Variants in OTOG observed in about 807,000 individuals in gnomAD.
OTOG encodes otogelin.
OTOG carries 296 observed loss-of-function variants against 313.8 expected under a neutral mutation model. That is an observed-to-expected ratio of 0.94 (90% CI 0.86 to 1.04). The LOEUF is 1.04. Ranked by LOEUF, OTOG falls within the 50% of genes least tolerant of loss-of-function variation. The probability of loss-of-function intolerance (pLI) is 0.00; values close to 1 mark genes in which losing one functional copy is unlikely to be tolerated. For missense variants in OTOG, 3,948 were observed against 3,840.1 expected, an observed-to-expected ratio of 1.03 and a Z score of -0.74; for synonymous variants, 1,533 against 1,554.9, an observed-to-expected ratio of 0.99 and a Z score of 0.33.
chr11:17,624,336 G>T (rs117958835), intron 39 of OTOG, among the ~76,000 whole-genome samples: 1 of 152,144 alleles, frequency 6.6e-6, no homozygotes, highest in South Asian at 2.1e-4. Context: ...TGTATATGGC[G>T]TAAGGAAGGG....
intron 23 of OTOG, among the ~76,000 whole-genome samples, chr11:17,582,983 T>C (rs1201307655): frequency 6.6e-6 from 1 of 152,000 alleles, no homozygotes; most frequent in Non-Finnish European, 1.5e-5. Flanking sequence ...TAATGTCTAA[T>C]TTTTTTCTTT....
In OTOG at chr11:17,627,214, T is replaced by C. The variant is rs997650385; in HGVS notation, c.6529-1919T>C. Among the ~76,000 whole-genome samples, 9 of 152,202 alleles carry C rather than the reference T, an allele frequency of 5.9e-5. No homozygotes were observed. In the South Asian group the frequency reaches 8.3e-4, roughly 14 times the overall value. ...ATGTTCCATATCTTAGAGGAAAGGC[T>C]TTTCATTTTCCCCCATTCAATATGA... On this transcript the variant is annotated intron_variant, in intron 39 of 55. Coordinates refer to ENST00000399397, the MANE Select transcript of OTOG (RefSeq NM_001292063.2).
rs955648338 is a variant in OTOG, at chr11:17,633,799, G to A, written c.7192G>A (p.Glu2398Lys). The A allele has an allele frequency of 3.9e-6, 6 of 1,550,390 alleles. No homozygotes were observed. The highest frequency in any genetic ancestry group is 2.0e-5 in the Admixed American group (1 of 51,000). ...LDPEHCQVLG[E>K]GCVCSEGTIL... ...CCCAGAGCACTGCCAGGTGCTGGGC[G>A]AGGGCTGCGTCTGCTCCGAGGGCAC... The change falls in exon 43 of 56, where the codon GAG becomes AAG. Residue 2398 changes from glutamate to lysine, a missense_variant. Physicochemically the swap from Glu to Lys is moderately conservative, Grantham distance 56 (BLOSUM62 1). Transcript: ENST00000399397.
At position 17,635,089 on chromosome 11, in the gene OTOG, C is replaced by G. The variant is rs1253625039; in HGVS notation, c.7595C>G (p.Pro2532Arg). 6.5e-7 allele frequency: 1 copy of G among 1,548,760 alleles called. No individual in the cohort carries two copies. The highest frequency in any genetic ancestry group is 1.4e-5 in the African/African-American group (1 of 72,972). Residue 2532 changes from proline to arginine, a missense_variant, in exon 46 of 56, where the codon CCA (proline) becomes CGA (arginine). Pro to Arg is a moderately radical substitution (Grantham distance 103, BLOSUM62 -2). Coordinates refer to ENST00000399397, the MANE Select transcript of OTOG (RefSeq NM_001292063.2). Reference sequence around the variant, plus strand: ...TCAGCCTTTTCCCCAGAGTGTGACCCAGATCTCTGTGAGGCAGAGCTGGTC... The same window carrying G: ...TCAGCCTTTTCCCCAGAGTGTGACCGAGATCTCTGTGAGGCAGAGCTGGTC... ...CCPSYSCECD[P>R]DLCEAELVPS...
intron 39 of OTOG, among the ~76,000 whole-genome samples, chr11:17,616,124 A>G (rs896855059): frequency 6.6e-6 from 1 of 151,912 alleles, no homozygotes; most frequent in Non-Finnish European, 1.5e-5. Context: ...TGGTGGTGCA[A>G]TGATAGCTTA....
rs75518739 is a variant in OTOG, at chr11:17,559,730, G to A, written c.1342+68G>A. On this transcript the variant is annotated intron_variant, in intron 12 of 55. Transcript: ENST00000399397. ...GCCTGGCACAGATGGCCACGAAACA[G>A]GAGTTCAGAAGATACCTGTTTGTGG... is the stretch of plus-strand genomic sequence containing the variant. The A allele has an allele frequency of 0.013, 19,762 of 1,496,782 alleles. 1,124 individuals carry two copies. The African/African-American group carries it at 0.14, about 10-fold the overall frequency. The allele number at this position is 1,496,782 out of a possible 1,614,324, so 92.7% of individuals were successfully genotyped here. A position where few individuals can be genotyped will look rare whatever the true frequency, so the allele number is the denominator to read the frequency against.
chr11:17,606,131 T>G lies in OTOG; in HGVS notation c.4152T>G (p.Leu1384=), dbSNP rs1176960419. Residue 1384 remains leucine, a synonymous_variant, in exon 33 of 56, where the codon CTT becomes CTG. Transcript: ENST00000399397. ...TCCGCCGGGGCACACTCTTCCGCCT[T>G]CTGGGTAGGCGACCCCCTGCCATTG... ...EVFRRGTLFR[L]LDAKPSGAAY... is the part of the protein sequence containing the mutation. 2.6e-6 allele frequency: 4 copies of G among 1,530,602 alleles called. No individual in the cohort carries two copies. The highest frequency in any genetic ancestry group is 3.5e-6 in the Non-Finnish European group (4 of 1,134,714). 94.8% of individuals were successfully genotyped at this position (1,530,602 alleles called of 1,614,324 possible). A position where few individuals can be genotyped will look rare whatever the true frequency, so the allele number is the denominator to read the frequency against.
chr11:17,645,202 GAGAGGGGTA>G (rs1848048605), intron 54 of OTOG, among the ~76,000 whole-genome samples: 1 of 152,228 alleles, frequency 6.6e-6, no homozygotes, highest in African/African-American at 2.4e-5. Context: ...CTGAAGCTCA[GAGAGGGGTA>G]AGGGTAAAGT....
chr11:17,568,729 T>C (rs933650324), intron 15 of OTOG, among the ~76,000 whole-genome samples: 7 of 152,210 alleles, frequency 4.6e-5, no homozygotes, highest in African/African-American at 1.7e-4. Context: ...TATTACCTCA[T>C]TTCCTGCCTG....
At position 17,557,328 on chromosome 11, in the gene OTOG, G is replaced by C; in HGVS notation, c.865+5G>C. ...ATGATCTGGTGACCAGCTCTGGTGA[G>C]GGTCAGACAGGTGGCCTCTGAGGGG... On this transcript the variant is annotated splice_donor_5th_base_variant and intron_variant, in intron 8 of 55. Coordinates refer to ENST00000399397, the MANE Select transcript of OTOG (RefSeq NM_001292063.2). The C allele has an allele frequency of 1.3e-6, 2 of 1,550,430 alleles. No homozygotes were observed. The highest frequency in any genetic ancestry group is 1.7e-4 in the Middle Eastern group (1 of 5,992).
chr11:17,641,722 G>A (rs1283687446), intron 51 of OTOG, 125 bp from the exon 52 acceptor site: 10 of 641,730 alleles, frequency 1.6e-5, no homozygotes, highest in East Asian at 5.6e-5. Context: ...GGCTGGGAGC[G>A]CCTCTTCTCG....
At position 17,569,207 on chromosome 11, in the gene OTOG, C is replaced by T; in HGVS notation, c.1696C>T (p.Pro566Ser). 2 of 1,550,572 alleles carry T rather than the reference C, an allele frequency of 1.3e-6. No homozygotes were observed. Among genetic ancestry groups the T allele is most frequent in the Non-Finnish European group, 1.7e-6 (2 of 1,147,014 alleles). ...AGTGTCAGTGATTCTGCACCAGGACCCTCGGAGGCAGGTGACCCTGACCCA... is the reference window on the plus strand; with the variant it reads ...AGTGTCAGTGATTCTGCACCAGGACTCTCGGAGGCAGGTGACCCTGACCCA... ...QSVSVILHQDPRRQVTLTQAG... is the reference protein window; with the variant it reads ...QSVSVILHQDSRRQVTLTQAG... Residue 566 changes from proline to serine, a missense_variant, in exon 16 of 56, where the codon CCT (proline) becomes TCT (serine). Pro to Ser is a moderately conservative substitution (Grantham distance 74, BLOSUM62 -1). Coordinates refer to ENST00000399397, the MANE Select transcript of OTOG (RefSeq NM_001292063.2).
intron 44 of OTOG, 145 bp downstream of exon 44, chr11:17,634,426 C>T (rs1854209981): frequency 1.1e-6 from 1 of 919,852 alleles, no homozygotes; most frequent in Admixed American, 2.5e-5. Context: ...GGGGAGAACC[C>T]TCCCTGGGGG....
rs1193648494 is a variant in OTOG at position 17,632,200 on chromosome 11, T to A, written c.7046T>A (p.Ile2349Asn). ...VAMCHKFHVCIEWRRSDYCPF... is the reference protein window; with the variant it reads ...VAMCHKFHVCNEWRRSDYCPF... ...ATGTGCCACAAATTTCATGTGTGCA[T>A]CGAGTGGCGGCGCTCTGACTACTGC... The change falls in exon 42 of 56, where the codon ATC becomes AAC. Residue 2349 changes from isoleucine to asparagine, a missense_variant. Physicochemically the swap from Ile to Asn is moderately radical, Grantham distance 149. Coordinates refer to ENST00000399397, the MANE Select transcript of OTOG (RefSeq NM_001292063.2). 6.4e-7 allele frequency: 1 copy of A among 1,550,978 alleles called. No homozygotes were observed. The highest frequency in any genetic ancestry group is 8.7e-7 in the Non-Finnish European group (1 of 1,146,962).
At chr11:17,640,397 C>T (rs1319470554) in intron 49 of OTOG, among the ~76,000 whole-genome samples, 1 of 152,212 alleles carries the variant, frequency 6.6e-6, no homozygotes, top group Non-Finnish European at 1.5e-5. Flanking sequence ...CAGTCCTTTT[C>T]TGAATTATAT....
At chr11:17,548,710 CT>C (rs1358647358) in intron 3 of OTOG, among the ~76,000 whole-genome samples, 1 of 151,916 alleles carries the variant, frequency 6.6e-6, no homozygotes, top group Non-Finnish European at 1.5e-5. Context: ...TGAACTCATC[CT>C]TTGAGCCTTT....
intron 38 of OTOG, among the ~76,000 whole-genome samples, chr11:17,613,399 T>TCCTTCCTTCCCTCCTTCCTTCCTTCC (rs1189731972): frequency 6.9e-6 from 1 of 144,850 alleles, no homozygotes; most frequent in African/African-American, 2.6e-5. Flanking sequence ...CTTCCTTCCT[T>TCCTTCCTTCCCTCCTTCCTTCCTTCC]TTTTTCTGTT....
At chr11:17,626,769 A>G (rs754615315) in intron 39 of OTOG, among the ~76,000 whole-genome samples, 47 of 152,032 alleles carry the variant, frequency 3.1e-4, no homozygotes, top group Admixed American at 6.6e-4. Context: ...CTATCTTTCC[A>G]TTTGTGTCTT....
rs1847899311 is a variant in OTOG at position 17,638,451 on chromosome 11, T to C, written c.7796T>C (p.Val2599Ala). The change falls in exon 48 of 56, where the codon GTG becomes GCG. Residue 2599 changes from valine (V) to alanine (A), a missense_variant and splice_region_variant. By Grantham distance (64) the Val-to-Ala change is moderately conservative (BLOSUM62 0). Coordinates refer to ENST00000399397, the MANE Select transcript of OTOG (RefSeq NM_001292063.2). ...GTCAACTGCCTCTCCTTCCCCACAG[T>C]GTGTGAGAACTTCCGCTGTCCCCAA... ...TELCCPLYQC[V>A]CENFRCPQVQ... The C allele has an allele frequency of 6.5e-7, 1 of 1,547,108 alleles. No individual in the cohort carries two copies.
Sources: gnomAD v4.1 joint callset for allele counts (sites outside exome capture counted in the v4.1 genomes callset) on GRCh38, gnomAD v4.1.1 for gene constraint, MANE v1.5 for transcripts, NCBI Gene and HGNC (gene_info 2026-07-23, HGNC 2026-07-21) for gene names.